Variants in CTNND2 observed in about 807,000 individuals in gnomAD.
CTNND2 encodes catenin delta-2.
A neutral mutation model predicts 144.4 loss-of-function variants in CTNND2; 22 were observed. The ratio of observed to expected loss-of-function variants is 0.15; its 90% CI spans 0.11 to 0.22. The LOEUF (loss-of-function observed/expected upper bound fraction) is 0.22. Ranked by LOEUF, CTNND2 falls within the 10% of genes least tolerant of loss-of-function variation. CTNND2 has a pLI of 1.00. For synonymous variants in CTNND2, 751 were observed against 695.6 expected, an observed-to-expected ratio of 1.08 and a Z score of -1.25; for missense variants, 1,353 against 1,618.8, an observed-to-expected ratio of 0.84 and a Z score of 2.82.
intron 1 of CTNND2, among the ~76,000 whole-genome samples, chr5:11,840,158 C>T (rs1794385754): frequency 6.6e-6 from 1 of 152,100 alleles, no homozygotes; most frequent in Non-Finnish European, 1.5e-5. Context: ...CTCTAAGCAA[C>T]CTATAAACAT....
At chr5:11,816,214 C>T (rs1027097598) in intron 1 of CTNND2, among the ~76,000 whole-genome samples, 33 of 152,302 alleles carry the variant, frequency 2.2e-4, no homozygotes, top group African/African-American at 7.2e-4. Context: ...GAATAGATTA[C>T]GTAAGCTCCT....
intron 9 of CTNND2, among the ~76,000 whole-genome samples, chr5:11,262,981 C>T (rs898066379): frequency 3.3e-5 from 5 of 151,964 alleles, no homozygotes; most frequent in Middle Eastern, 3.2e-3. Flanking sequence ...TGCTCTAGAA[C>T]GAATTTCCGA....
At position 11,385,212 on chromosome 5, in the gene CTNND2, G is replaced by A. The variant is rs1581079678; in HGVS notation, c.630C>T (p.Ala210=). 2 of 1,054,308 alleles carry A rather than the reference G, an allele frequency of 1.9e-6. No individual in the cohort carries two copies. Among genetic ancestry groups the A allele is most frequent in the East Asian group, 6.8e-5 (1 of 14,640 alleles). The allele number at this position is 1,054,308 out of a possible 1,614,324, so 65.3% of individuals were successfully genotyped here. A position where few individuals can be genotyped will look rare whatever the true frequency, so the allele number is the denominator to read the frequency against. ...QSFSQGTTSR[A]GHLAGPEPAP... The stretch of plus-strand genomic sequence containing the variant: ...CGGGCTCGGGCCCCGCCAGGTGGCC[G>A]GCGCGGCTGGTCGTGCCCTGTGCCC... Residue 210 remains alanine, a synonymous_variant, in exon 7 of 22, where the codon GCC becomes GCT. Transcript: ENST00000304623.
chr5:11,412,714 T>C lies in CTNND2; in HGVS notation c.288-645A>G, dbSNP rs546258059. ...TAACAGATTTATTTTGAATGACTTA[T>C]TAAATACAAAATACATAGTTTCTAA... is the stretch of plus-strand genomic sequence containing the variant. On this transcript the variant is annotated intron_variant, in intron 3 of 21. Transcript: ENST00000304623. Among the ~76,000 whole-genome samples the C allele has an allele frequency of 1.2e-4, 19 of 152,312 alleles. No homozygotes were observed. The South Asian group carries it at 3.7e-3, about 30-fold the overall frequency.
At chr5:10,982,831 A>G (rs900813417) in intron 20 of CTNND2, among the ~76,000 whole-genome samples, 1 of 152,186 alleles carries the variant, frequency 6.6e-6, no homozygotes, top group Non-Finnish European at 1.5e-5. Context: ...AAAGAATGAA[A>G]TCCTGTCACT....
intron 12 of CTNND2, among the ~76,000 whole-genome samples, chr5:11,145,011 A>G (rs935401223): frequency 2.6e-5 from 4 of 152,066 alleles, no homozygotes; most frequent in Non-Finnish European, 5.9e-5. Context: ...TATGCCAAGC[A>G]ATTTATGTGC....
At chr5:11,220,416 A>G (rs1486601093) in intron 10 of CTNND2, among the ~76,000 whole-genome samples, 1 of 152,170 alleles carries the variant, frequency 6.6e-6, no homozygotes, top group East Asian at 1.9e-4. Context: ...GGAAATGCAG[A>G]CAGGAGCTTC....
intron 3 of CTNND2, among the ~76,000 whole-genome samples, chr5:11,415,549 TG>T (rs1761871360): frequency 6.6e-6 from 1 of 152,122 alleles, no homozygotes; most frequent in South Asian, 2.1e-4. Flanking sequence ...GAGGCTTCAG[TG>T]AGCTGAGATT....
intron 1 of CTNND2, among the ~76,000 whole-genome samples, chr5:11,748,397 GA>G (rs1207286115): frequency 1.3e-5 from 2 of 151,998 alleles, no homozygotes; most frequent in Admixed American, 1.3e-4. Context: ...ACATAGCAAA[GA>G]AACTCATTTT....
At chr5:11,732,816 C>T (rs1787466480) in intron 1 of CTNND2, among the ~76,000 whole-genome samples, 1 of 152,036 alleles carries the variant, frequency 6.6e-6, no homozygotes, top group African/African-American at 2.4e-5. Context: ...CCTCCTTTTA[C>T]CTGCTCTAAG....
At chr5:11,598,188 T>C (rs1430948014) in intron 2 of CTNND2, among the ~76,000 whole-genome samples, 2 of 152,202 alleles carry the variant, frequency 1.3e-5, no homozygotes, top group Non-Finnish European at 2.9e-5. Context: ...TCTTAACCAC[T>C]AGACAGACCT....
chr5:11,146,557 C>T (rs1357941996), intron 12 of CTNND2, among the ~76,000 whole-genome samples: 1 of 152,096 alleles, frequency 6.6e-6, no homozygotes, highest in Non-Finnish European at 1.5e-5. Flanking sequence ...CTGAGAATTA[C>T]GTGATGATTA....
At chr5:11,821,551 T>C (rs61761584) in intron 1 of CTNND2, among the ~76,000 whole-genome samples, 1 of 152,158 alleles carries the variant, frequency 6.6e-6, no homozygotes, top group Non-Finnish European at 1.5e-5. Flanking sequence ...AAAAATTTCA[T>C]CTGATCCTGA....
chr5:11,824,077 T>C (rs1793470115), intron 1 of CTNND2, among the ~76,000 whole-genome samples: 1 of 126,116 alleles, frequency 7.9e-6, no homozygotes. Flanking sequence ...TACTCCAGCA[T>C]GGCAACAGAG....
chr5:11,127,955 A>G (rs1754846604), intron 12 of CTNND2, among the ~76,000 whole-genome samples: 1 of 148,674 alleles, frequency 6.7e-6, no homozygotes, highest in Non-Finnish European at 1.5e-5. Flanking sequence ...GTGGTAGGCC[A>G]GAGAACAGCC....
At chr5:11,544,737 T>G (rs1240970500) in intron 3 of CTNND2, among the ~76,000 whole-genome samples, 3 of 151,866 alleles carry the variant, frequency 2.0e-5, no homozygotes, top group South Asian at 2.1e-4. Flanking sequence ...AATCCCAGAA[T>G]TTTGGGAGGC....
At chr5:11,646,085 T>C (rs1782331433) in intron 2 of CTNND2, among the ~76,000 whole-genome samples, 1 of 152,154 alleles carries the variant, frequency 6.6e-6, no homozygotes, top group African/African-American at 2.4e-5. Context: ...CTGTCCTTTT[T>C]TCTTCTCTGT....
chr5:11,875,542 A>C (rs1735501472), intron 1 of CTNND2, among the ~76,000 whole-genome samples: 1 of 152,096 alleles, frequency 6.6e-6, no homozygotes, highest in African/African-American at 2.4e-5. Context: ...TTTGAGAGAA[A>C]ATTATATTCA....
At chr5:11,639,373 A>G (rs1046246571) in intron 2 of CTNND2, among the ~76,000 whole-genome samples, 2 of 152,198 alleles carry the variant, frequency 1.3e-5, no homozygotes, top group African/African-American at 4.8e-5. Flanking sequence ...GACCTACTGA[A>G]TCAATCCACA....
Sources: allele counts gnomAD v4.1 joint callset (sites outside exome capture counted in the v4.1 genomes callset), GRCh38; gene constraint gnomAD v4.1.1; transcripts MANE v1.5; gene names NCBI Gene and HGNC (gene_info 2026-07-23, HGNC 2026-07-21).